The following KMT5C variants were observed in gnomAD, a reference collection of about 807,000 sequenced individuals.
KMT5C encodes histone-lysine N-methyltransferase KMT5C.
A neutral mutation model predicts 38.2 loss-of-function variants in KMT5C; 16 were observed. That is an observed-to-expected ratio of 0.42 (90% confidence interval 0.28 to 0.64). The LOEUF is 0.64. Ranked by LOEUF, KMT5C falls within the 30% of genes least tolerant of loss-of-function variation. KMT5C has a pLI of 0.23. For synonymous variants in KMT5C, 291 were observed against 279.0 expected, an observed-to-expected ratio of 1.04 and a Z score of -0.43; for missense variants, 598 against 665.1, an observed-to-expected ratio of 0.90 and a Z score of 1.11.
At chr19:55,342,122 C>G in intron 2 of KMT5C, 76 bp downstream of exon 2, 2 of 1,582,738 alleles carry the variant, frequency 1.3e-6, no homozygotes, top group Non-Finnish European at 1.7e-6. Context: ...CCCCTCGGCC[C>G]TCTCCTTAGC....
At chr19:55,341,465 T>C (rs1436820735) in intron 1 of KMT5C, among the ~76,000 whole-genome samples, 2 of 152,132 alleles carry the variant, frequency 1.3e-5, no homozygotes. Flanking sequence ...GGGCTAGAGG[T>C]GAAGCGGCTC....
chr19:55,344,986 G>A (rs2123196657), intron 6 of KMT5C: 1 of 460,184 alleles, frequency 2.2e-6, no homozygotes, highest in East Asian at 6.9e-5. Context: ...GGCTGGTCAA[G>A]TGTGCCGGAG....
intron 7 of KMT5C, 73 bp downstream of exon 7, chr19:55,346,422 C>T (rs909675271): frequency 6.2e-7 from 1 of 1,608,222 alleles, no homozygotes; most frequent in Non-Finnish European, 8.5e-7. Context: ...CCCTCGGGAC[C>T]CATCCCTGAG....
intron 6 of KMT5C, 158 bp from the exon 7 acceptor site, chr19:55,346,055 C>T (rs540041470): frequency 1.5e-4 from 121 of 799,768 alleles, no homozygotes; most frequent in African/African-American, 1.3e-3. Flanking sequence ...GACAGGCCCT[C>T]GGCAAGGCAG....
rs759945156 is a variant in KMT5C at position 55,346,520 on chromosome 19, G to A, written c.728G>A (p.Arg243Gln). 1.1e-5 allele frequency: 18 copies of A among 1,596,630 alleles called. No homozygotes were observed. In the African/African-American group the frequency reaches 1.3e-4, roughly 12 times the overall value. The change falls in exon 8 of 9, where the codon CGA (arginine) becomes CAA (glutamine). Residue 243 changes from arginine to glutamine, a missense_variant. Arg to Gln is a conservative substitution (Grantham distance 43). Coordinates refer to ENST00000255613, the MANE Select transcript of KMT5C (RefSeq NM_032701.4). ...TCERKGEGAF[R>Q]TRPREPALPP... ...CCCAGGAAAGGTGAAGGAGCTTTCC[G>A]AACCAGGCCTAGGGAGCCCGCGTTG... is the stretch of plus-strand genomic sequence containing the variant.
Sources: allele counts gnomAD v4.1 joint callset (sites outside exome capture counted in the v4.1 genomes callset), GRCh38; gene constraint gnomAD v4.1.1; transcripts MANE v1.5; gene names NCBI Gene and HGNC (gene_info 2026-07-23, HGNC 2026-07-21).